Variants in AKAP6 observed in about 807,000 individuals in gnomAD.
The protein encoded by AKAP6 is A-kinase anchoring protein 6, also known as A-kinase anchor protein 6.
In AKAP6, 58 loss-of-function variants were observed where a neutral mutation model predicts 188.5. The observed-to-expected ratio is 0.31, with a 90% confidence interval of 0.25 to 0.38. The LOEUF (loss-of-function observed/expected upper bound fraction) is 0.38, where lower values mean the gene tolerates loss of function less well. Ranked by LOEUF, AKAP6 falls within the 10% of genes least tolerant of loss-of-function variation. The probability of loss-of-function intolerance (pLI) is 1.00; values close to 1 mark genes in which losing one functional copy is unlikely to be tolerated. For synonymous variants in AKAP6, 989 were observed against 998.6 expected (o/e 0.99, Z 0.18); for missense variants, 2,710 against 2,740.0 (o/e 0.99, Z 0.24).
chr14:32,794,422 T>C (rs1021359729), intron 12 of AKAP6, among the ~76,000 whole-genome samples: 1 of 152,034 alleles, frequency 6.6e-6, no homozygotes, highest in African/African-American at 2.4e-5. Flanking sequence ...TAGCAATGCA[T>C]GGTGGTGCCC....
At chr14:32,527,828 A>G (rs1882208735) in intron 2 of AKAP6, among the ~76,000 whole-genome samples, 1 of 151,962 alleles carries the variant, frequency 6.6e-6, no homozygotes, top group Non-Finnish European at 1.5e-5. Flanking sequence ...GAGCTTTAAG[A>G]CTTCTTTATA....
chr14:32,737,867 C>T (rs1244133826), intron 11 of AKAP6, among the ~76,000 whole-genome samples: 1 of 152,108 alleles, frequency 6.6e-6, no homozygotes, highest in Non-Finnish European at 1.5e-5. Context: ...GCGTTTCCTT[C>T]TAATAGATTG....
At chr14:32,411,250 A>G (rs923273152) in intron 1 of AKAP6, among the ~76,000 whole-genome samples, 1 of 152,182 alleles carries the variant, frequency 6.6e-6, no homozygotes, top group Non-Finnish European at 1.5e-5. Context: ...AAGTGCCAAG[A>G]TTGAGAAATC....
At chr14:32,786,309 T>A (rs867430962) in intron 12 of AKAP6, among the ~76,000 whole-genome samples, 2,767 of 93,720 alleles carry the variant, frequency 0.03, 116 homozygotes, top group South Asian at 0.07. Context: ...TTTTTTTTTT[T>A]TTTTTTTTTT....
intron 7 of AKAP6, among the ~76,000 whole-genome samples, chr14:32,634,520 C>T (rs999490444): frequency 2.0e-5 from 3 of 152,046 alleles, no homozygotes; most frequent in Non-Finnish European, 1.5e-5. Flanking sequence ...TGGTTCTAAT[C>T]TTCTTGAAGG....
At chr14:32,637,789 A>G (rs540369063) in intron 7 of AKAP6, among the ~76,000 whole-genome samples, 28 of 152,188 alleles carry the variant, frequency 1.8e-4, no homozygotes, top group Non-Finnish European at 3.8e-4. Context: ...TTTACATTCT[A>G]GATATGGCAA....
intron 7 of AKAP6, among the ~76,000 whole-genome samples, chr14:32,666,049 A>G (rs1326253017): frequency 1.3e-5 from 2 of 152,110 alleles, no homozygotes; most frequent in African/African-American, 4.8e-5. Context: ...TTCCATTAGA[A>G]TTTTAAGTAA....
intron 2 of AKAP6, among the ~76,000 whole-genome samples, chr14:32,445,269 G>A (rs1357363626): frequency 6.6e-6 from 1 of 152,002 alleles, no homozygotes; most frequent in Non-Finnish European, 1.5e-5. Flanking sequence ...AAACTTCTCT[G>A]CCTGGAAAAA....
chr14:32,651,925 C>A (rs1238968868), intron 7 of AKAP6, among the ~76,000 whole-genome samples: 1 of 152,046 alleles, frequency 6.6e-6, no homozygotes, highest in Non-Finnish European at 1.5e-5. Context: ...ATTGAGTACT[C>A]TTTTTCCTGC....
At chr14:32,639,666 G>A (rs1394903531) in intron 7 of AKAP6, among the ~76,000 whole-genome samples, 3 of 152,110 alleles carry the variant, frequency 2.0e-5, no homozygotes, top group Non-Finnish European at 2.9e-5. Context: ...AATACCACAA[G>A]GGAGAAGTCC....
chr14:32,535,835 C>T, intron 3 of AKAP6, 30 bp downstream of exon 3: 2 of 1,589,998 alleles, frequency 1.3e-6, no homozygotes, highest in African/African-American at 1.3e-5. Context: ...TTAAGCAATG[C>T]ATTTCCAGGT....
At chr14:32,447,872 A>G in intron 2 of AKAP6, among the ~76,000 whole-genome samples, 1 of 152,204 alleles carries the variant, frequency 6.6e-6, no homozygotes. Context: ...TCTTGGTTTC[A>G]AAGGTTAAAA....
At position 32,471,878 on chromosome 14, in the gene AKAP6, T is replaced by C. The variant is rs115887047; in HGVS notation, c.324+38061T>C. Among the ~76,000 whole-genome samples the C allele has an allele frequency of 4.3e-3, 662 of 152,358 alleles. 6 individuals are homozygous for C. Among genetic ancestry groups the C allele is most frequent in the African/African-American group, 0.015 (631 of 41,586 alleles). ...AGATAACGCAGCGTGTTAAGCATTC[T>C]GGGTCAGGATTTTTGTGCTGGCACA... On this transcript the variant is annotated intron_variant, in intron 2 of 13. Transcript: ENST00000280979.
chr14:32,439,283 A>G (rs190742017), intron 2 of AKAP6, among the ~76,000 whole-genome samples: 1 of 152,312 alleles, frequency 6.6e-6, no homozygotes, highest in East Asian at 1.9e-4. Context: ...GGGATTTGGC[A>G]CCATCAGATG....
intron 1 of AKAP6, among the ~76,000 whole-genome samples, chr14:32,366,113 C>T (rs1253352413): frequency 2.0e-5 from 3 of 151,990 alleles, no homozygotes; most frequent in Non-Finnish European, 4.4e-5. Context: ...TTGTCCCTAC[C>T]CTCCCCCCAC....
At chr14:32,563,210 A>G (rs1884030407) in intron 4 of AKAP6, among the ~76,000 whole-genome samples, 2 of 152,226 alleles carry the variant, frequency 1.3e-5, no homozygotes, top group South Asian at 2.1e-4. Flanking sequence ...GTTGTGAAGC[A>G]TGGTGACTAT....
chr14:32,582,975 T>G (rs1262718272), intron 5 of AKAP6, among the ~76,000 whole-genome samples: 1 of 152,244 alleles, frequency 6.6e-6, no homozygotes, highest in African/African-American at 2.4e-5. Context: ...ATCTGAAGCC[T>G]TCTTCTCTCA....
In AKAP6 at chr14:32,465,624, C is replaced by A. The variant is rs182094321; in HGVS notation, c.324+31807C>A. ...TAAGATATAAATGTAAGACCTAAAA[C>A]CATAAAAACCCTAGAAGAAAACCTA... On this transcript the variant is annotated intron_variant, in intron 2 of 13. Transcript: ENST00000280979. 2.4e-4 allele frequency among the ~76,000 whole-genome samples: 36 copies of A among 152,208 alleles called. No individual in the cohort carries two copies. In the East Asian group the frequency reaches 6.8e-3, roughly 29 times the overall value.
chr14:32,350,765 GTAAA>G (rs1010561570), intron 1 of AKAP6, among the ~76,000 whole-genome samples: 9 of 151,996 alleles, frequency 5.9e-5, no homozygotes, highest in African/African-American at 2.2e-4. Context: ...AAATGAATAA[GTAAA>G]TAAATATATA....
Sources: gnomAD v4.1 joint callset for allele counts (sites outside exome capture counted in the v4.1 genomes callset) on GRCh38, gnomAD v4.1.1 for gene constraint, MANE v1.5 for transcripts, NCBI Gene and HGNC (gene_info 2026-07-23, HGNC 2026-07-21) for gene names.